Variants in CRISPLD2 observed in about 807,000 individuals in gnomAD.
The protein encoded by CRISPLD2 is cysteine rich secretory protein LCCL domain containing 2.
CRISPLD2 carries 47 observed loss-of-function variants against 71.1 expected under a neutral mutation model. The observed-to-expected ratio is 0.66, with a 90% CI of 0.52 to 0.84. CRISPLD2 has a LOEUF of 0.84. Ranked by LOEUF, CRISPLD2 falls within the 40% of genes least tolerant of loss-of-function variation. The probability of loss-of-function intolerance (pLI) is 0.00; values close to 1 mark genes in which losing one functional copy is unlikely to be tolerated. For synonymous variants in CRISPLD2, 317 were observed against 250.1 expected, an observed-to-expected ratio of 1.27 and a Z score of -2.52; for missense variants, 830 against 651.1, an observed-to-expected ratio of 1.27 and a Z score of -2.99.
intron 2 of CRISPLD2, among the ~76,000 whole-genome samples, chr16:84,844,445 G>A (rs904259202): frequency 3.9e-5 from 6 of 152,032 alleles, no homozygotes; most frequent in Admixed American, 3.3e-4. Flanking sequence ...AACCATCCCC[G>A]CCATCCATCT....
intron 1 of CRISPLD2, chr16:84,828,292 T>C (rs1386611255): frequency 6.6e-6 from 1 of 152,102 alleles, no homozygotes; most frequent in Admixed American, 6.6e-5. Context: ...CACCATTAAG[T>C]TCCTGGGATT....
At chr16:84,884,350 C>G (rs940737113) in intron 13 of CRISPLD2, among the ~76,000 whole-genome samples, 15 of 152,184 alleles carry the variant, frequency 9.9e-5, no homozygotes, top group African/African-American at 3.4e-4. Flanking sequence ...GGCAGAGTTA[C>G]TGGGATCACT....
intron 5 of CRISPLD2, among the ~76,000 whole-genome samples, chr16:84,853,080 A>G (rs1917133504): frequency 6.6e-6 from 1 of 152,036 alleles, no homozygotes; most frequent in African/African-American, 2.4e-5. Flanking sequence ...AATTAAGGAG[A>G]TTATTTGTCT....
chr16:84,861,244 T>G (rs1041302905), intron 6 of CRISPLD2, among the ~76,000 whole-genome samples: 3 of 152,144 alleles, frequency 2.0e-5, no homozygotes, highest in Non-Finnish European at 4.4e-5. Flanking sequence ...ACTCCATCCT[T>G]AATATTGTGT....
intron 7 of CRISPLD2, among the ~76,000 whole-genome samples, chr16:84,868,005 A>T (rs886672128): frequency 6.6e-6 from 1 of 152,130 alleles, no homozygotes; most frequent in Non-Finnish European, 1.5e-5. Context: ...GCGGGGCTGG[A>T]GGGCTGGGCT....
At chr16:84,904,549 A>G (rs2071784102) in intron 14 of CRISPLD2, among the ~76,000 whole-genome samples, 1 of 151,730 alleles carries the variant, frequency 6.6e-6, no homozygotes, top group Non-Finnish European at 1.5e-5. Flanking sequence ...GCACCACTGT[A>G]CTCCAGCCTG....
At chr16:84,887,704 G>A (rs999743434) in intron 13 of CRISPLD2, among the ~76,000 whole-genome samples, 3 of 152,052 alleles carry the variant, frequency 2.0e-5, no homozygotes, top group Admixed American at 6.5e-5. Flanking sequence ...TGGAGAAACC[G>A]TGTCTCTACT....
At chr16:84,831,454 AAGCAGT>A in intron 1 of CRISPLD2, among the ~76,000 whole-genome samples, 1 of 152,198 alleles carries the variant, frequency 6.6e-6, no homozygotes, top group East Asian at 1.9e-4. Flanking sequence ...CCAGGCTGGA[AAGCAGT>A]AGCACGATCT....
At chr16:84,856,035 C>T (rs576269985) in intron 6 of CRISPLD2, among the ~76,000 whole-genome samples, 16 of 152,312 alleles carry the variant, frequency 1.1e-4, no homozygotes, top group Admixed American at 5.2e-4. Context: ...CAACTGGTCA[C>T]GTGGTTATAG....
At chr16:84,855,157 A>G (rs1917203404) in intron 6 of CRISPLD2, among the ~76,000 whole-genome samples, 1 of 152,188 alleles carries the variant, frequency 6.6e-6, no homozygotes, top group African/African-American at 2.4e-5. Flanking sequence ...TTCATATAAA[A>G]TAGGCCACGG....
intron 6 of CRISPLD2, among the ~76,000 whole-genome samples, chr16:84,863,376 G>T (rs1415870136): frequency 2.6e-5 from 4 of 152,208 alleles, no homozygotes; most frequent in African/African-American, 9.6e-5. Context: ...CTCCTCTGAA[G>T]CAGCTTATCT....
At chr16:84,842,428 G>A (rs1181329519) in intron 2 of CRISPLD2, among the ~76,000 whole-genome samples, 2 of 146,702 alleles carry the variant, frequency 1.4e-5, no homozygotes, top group East Asian at 2.0e-4. Context: ...AGGCTGGAGT[G>A]CAGTGGTGCT....
chr16:84,845,614 G>C (rs573431426), intron 2 of CRISPLD2, among the ~76,000 whole-genome samples, 172 bp from the exon 3 acceptor site: 1 of 152,252 alleles, frequency 6.6e-6, no homozygotes, highest in Non-Finnish European at 1.5e-5. Flanking sequence ...GCTTGGAGCC[G>C]GCACGTCTGG....
rs1028319514 is a variant in CRISPLD2, at chr16:84,908,689, T to C, written c.*2047T>C. The stretch of plus-strand genomic sequence containing the variant: ...AGCAGGACCTGGCTGTCTTTTTTTT[T>C]TTTTTTTTTTTTTTCCCGAGACCAA... On this transcript the variant is annotated 3_prime_UTR_variant, in exon 15 of 15. Coordinates refer to ENST00000262424, the MANE Select transcript of CRISPLD2 (RefSeq NM_031476.4). The C allele has an allele frequency of 7.5e-5, 11 of 147,600 alleles. No homozygotes were observed. In the South Asian group the frequency reaches 2.4e-3, roughly 32 times the overall value. 9.1% of individuals were successfully genotyped at this position (147,600 alleles called of 1,614,324 possible).
At chr16:84,899,187 G>A (rs147518960) in intron 14 of CRISPLD2, among the ~76,000 whole-genome samples, 316 of 152,226 alleles carry the variant, frequency 2.1e-3, no homozygotes, top group African/African-American at 7.3e-3. Flanking sequence ...ACTGTGCCCC[G>A]CCTGAGGGAT....
At chr16:84,875,767 C>T (rs1840604446) in intron 11 of CRISPLD2, among the ~76,000 whole-genome samples, 1 of 148,936 alleles carries the variant, frequency 6.7e-6, no homozygotes, top group African/African-American at 2.5e-5. Context: ...GGTTTCGCCA[C>T]GTTGGCCAGG....
At chr16:84,857,433 C>T (rs534456880) in intron 6 of CRISPLD2, among the ~76,000 whole-genome samples, 1 of 152,374 alleles carries the variant, frequency 6.6e-6, no homozygotes, top group East Asian at 1.9e-4. Flanking sequence ...TCCCAAATTT[C>T]TCTGTCGCCA....
intron 11 of CRISPLD2, 109 bp downstream of exon 11, chr16:84,874,072 A>T: frequency 1.1e-6 from 1 of 946,030 alleles, no homozygotes; most frequent in Non-Finnish European, 1.6e-6. Context: ...GCGTGTGAAC[A>T]TTATGGTTCT....
intron 4 of CRISPLD2, among the ~76,000 whole-genome samples, chr16:84,849,844 A>C (rs1323110963): frequency 6.7e-6 from 1 of 150,352 alleles, no homozygotes; most frequent in African/African-American, 2.5e-5. Flanking sequence ...CAGCCTCCTG[A>C]GTACCTGGGA....
Sources: allele counts gnomAD v4.1 joint callset (sites outside exome capture counted in the v4.1 genomes callset), GRCh38; gene constraint gnomAD v4.1.1; transcripts MANE v1.5; gene names NCBI Gene and HGNC (gene_info 2026-07-23, HGNC 2026-07-21).